The following LTBP1 variants were observed in gnomAD, a reference collection of about 807,000 sequenced individuals.
LTBP1 encodes the protein latent-transforming growth factor beta-binding protein 1.
Under a neutral mutation model 207.6 loss-of-function variants are expected in LTBP1, and 129 were observed. The observed-to-expected ratio is 0.62, with a 90% CI of 0.54 to 0.72. The LOEUF (loss-of-function observed/expected upper bound fraction) is 0.72. Among genes scored for constraint, LTBP1 ranks in the 30% least tolerant of loss-of-function variants. The pLI is 0.00. For synonymous variants in LTBP1, 963 were observed against 833.7 expected (o/e 1.16, Z -2.67); for missense variants, 2,281 against 2,217.2 (o/e 1.03, Z -0.58).
chr2:32,972,942 A>G (rs929404148), intron 2 of LTBP1, among the ~76,000 whole-genome samples: 3 of 152,040 alleles, frequency 2.0e-5, no homozygotes, highest in Non-Finnish European at 4.4e-5. Context: ...GACTAATACA[A>G]ATGGTTTTGA....
intron 20 of LTBP1, among the ~76,000 whole-genome samples, chr2:33,295,233 A>G (rs2093851811): frequency 6.6e-6 from 1 of 152,182 alleles, no homozygotes; most frequent in Admixed American, 6.6e-5. Context: ...AACTCTTTAT[A>G]TATGTAATAC....
chr2:33,178,116 T>C (rs1053228943), intron 5 of LTBP1, among the ~76,000 whole-genome samples: 1 of 152,166 alleles, frequency 6.6e-6, no homozygotes, highest in Non-Finnish European at 1.5e-5. Context: ...CATAGTGATT[T>C]TGAAGTCTTT....
At chr2:33,219,104 C>G (rs1200530450) in intron 8 of LTBP1, among the ~76,000 whole-genome samples, 1 of 152,094 alleles carries the variant, frequency 6.6e-6, no homozygotes, top group Non-Finnish European at 1.5e-5. Flanking sequence ...ATGCCTAAAG[C>G]AAGTAATTTT....
Position 33,330,899 on chromosome 2 carries a change from G to A in LTBP1, c.3731-11939G>A, listed in dbSNP as rs574670916. Among the ~76,000 whole-genome samples, 146 of 146,364 alleles carry A rather than the reference G, an allele frequency of 1.0e-3. 1 individual carries two copies. Among genetic ancestry groups the A allele is most frequent in the African/African-American group, 3.5e-3 (139 of 39,882 alleles). On this transcript the variant is annotated intron_variant, in intron 24 of 33. Coordinates refer to ENST00000404816, the MANE Select transcript of LTBP1 (RefSeq NM_206943.4). The stretch of plus-strand genomic sequence containing the variant: ...TTTGTTTTTGTTTCCTTTTGTTTTT[G>A]TGCCTATGCATTATAAACATTTTTA...
At chr2:32,962,685 T>G (rs1679318614) in intron 2 of LTBP1, among the ~76,000 whole-genome samples, 1 of 152,246 alleles carries the variant, frequency 6.6e-6, no homozygotes, top group Non-Finnish European at 1.5e-5. Flanking sequence ...TTTTGAGTGT[T>G]AAAGGCTCTT....
intron 29 of LTBP1, 28 bp downstream of exon 29, chr2:33,363,546 G>A (rs1263715557): frequency 1.3e-6 from 2 of 1,592,782 alleles, no homozygotes; most frequent in Non-Finnish European, 1.7e-6. Flanking sequence ...ATAGTATGGT[G>A]TACTGTGAAA....
intron 3 of LTBP1, among the ~76,000 whole-genome samples, chr2:33,047,713 G>A (rs1365264634): frequency 1.3e-5 from 2 of 152,032 alleles, no homozygotes; most frequent in Non-Finnish European, 2.9e-5. Context: ...TTGACAGTGG[G>A]GTGTTAAAGT....
At chr2:33,153,929 G>C (rs1234408805) in intron 5 of LTBP1, among the ~76,000 whole-genome samples, 16 of 152,256 alleles carry the variant, frequency 1.1e-4, no homozygotes, top group Non-Finnish European at 4.4e-5. Context: ...AGGAAAAGTT[G>C]GGGTTTTATT....
intron 21 of LTBP1, 75 bp downstream of exon 21, chr2:33,300,648 G>T (rs558994618): frequency 1.4e-6 from 2 of 1,468,974 alleles, no homozygotes; most frequent in South Asian, 2.6e-5. Context: ...GCTCAATCAA[G>T]TGAGTTTACC....
chr2:33,259,652 CA>C, intron 13 of LTBP1, 42 bp downstream of exon 13: 1 of 1,572,922 alleles, frequency 6.4e-7, no homozygotes, highest in South Asian at 1.2e-5. Flanking sequence ...TTTCAACGCT[CA>C]AAGTGATTTT....
chr2:33,060,078 TTGGACTGTGCACA>T (rs1415560967), intron 3 of LTBP1, among the ~76,000 whole-genome samples: 18 of 152,336 alleles, frequency 1.2e-4, no homozygotes, highest in African/African-American at 4.3e-4. Flanking sequence ...GAGGCTGACC[TTGGACTGTGCACA>T]TGGACCTATT....
At chr2:33,315,768 C>T (rs1485636556) in intron 24 of LTBP1, among the ~76,000 whole-genome samples, 1 of 152,116 alleles carries the variant, frequency 6.6e-6, no homozygotes, top group African/African-American at 2.4e-5. Flanking sequence ...GAAACCTCAT[C>T]TCTACTGAAT....
At chr2:33,022,320 A>G (rs1316142342) in intron 3 of LTBP1, among the ~76,000 whole-genome samples, 1 of 120,746 alleles carries the variant, frequency 8.3e-6, no homozygotes, top group Non-Finnish European at 1.7e-5. Flanking sequence ...TTCTTGTCTC[A>G]TAATACTTCA....
chr2:33,016,119 C>CA, intron 2 of LTBP1, among the ~76,000 whole-genome samples: 1 of 152,060 alleles, frequency 6.6e-6, no homozygotes, highest in Admixed American at 6.5e-5. Context: ...GGCTTGAAGG[C>CA]ATTGGAGGTT....
In LTBP1 at chr2:32,975,583, G is replaced by GTTTTTTTTTTTTTTTTTTTTT. The variant is rs779168923; in HGVS notation, c.565+26656_565+26676dup. Among the ~76,000 whole-genome samples, 18 of 31,382 alleles carry GTTTTTTTTTTTTTTTTTTTTT rather than the reference G, an allele frequency of 5.7e-4. 2 individuals carry two copies. Among genetic ancestry groups the GTTTTTTTTTTTTTTTTTTTTT allele is most frequent in the African/African-American group, 1.8e-3 (13 of 7,286 alleles). The allele number at this position is 31,382 out of a possible 152,430, so 20.6% of individuals were successfully genotyped here. On this transcript the variant is annotated intron_variant, in intron 2 of 33. Coordinates refer to ENST00000404816, the MANE Select transcript of LTBP1 (RefSeq NM_206943.4). ...TTGTTGGAGGTTTCATTCATTCTTT[G>GTTTTTTTTTTTTTTTTTTTTT]TTTTTTTTTTTTTTTTTTTTTTTTT...
At chr2:33,313,499 C>T (rs1451143936) in intron 23 of LTBP1, among the ~76,000 whole-genome samples, 3 of 152,186 alleles carry the variant, frequency 2.0e-5, no homozygotes, top group East Asian at 1.9e-4. Context: ...GAAGAACATA[C>T]ATTCTGTACC....
intron 4 of LTBP1, among the ~76,000 whole-genome samples, chr2:33,132,427 C>T (rs1386911494): frequency 6.6e-6 from 1 of 152,182 alleles, no homozygotes; most frequent in Non-Finnish European, 1.5e-5. Context: ...GATTGGAACA[C>T]AGCCATGCCC....
intron 5 of LTBP1, 73 bp downstream of exon 5, chr2:33,135,033 C>A: frequency 1.4e-6 from 2 of 1,433,500 alleles, no homozygotes. Flanking sequence ...TAGACACCCC[C>A]TCCATTCACA....
intron 9 of LTBP1, among the ~76,000 whole-genome samples, chr2:33,224,427 T>A (rs2091315933): frequency 6.6e-6 from 1 of 152,192 alleles, no homozygotes; most frequent in Non-Finnish European, 1.5e-5. Context: ...CTTGGTATGG[T>A]GTGTTTATTT....
Sources: gnomAD v4.1 joint callset for allele counts (sites outside exome capture counted in the v4.1 genomes callset) on GRCh38, gnomAD v4.1.1 for gene constraint, MANE v1.5 for transcripts, NCBI Gene and HGNC (gene_info 2026-07-23, HGNC 2026-07-21) for gene names.